NALF1: variants seen among roughly 807,000 people sequenced by gnomAD.
NALF1 encodes the protein NALCN channel auxiliary factor 1.
A neutral mutation model predicts 48.4 loss-of-function variants in NALF1; 3 were observed. The observed-to-expected ratio is 0.06, with a 90% CI of 0.03 to 0.16. The LOEUF (loss-of-function observed/expected upper bound fraction) is 0.16. Among genes scored for constraint, NALF1 ranks in the 10% least tolerant of loss-of-function variants. The pLI is 1.00. For missense variants in NALF1, 526 were observed against 571.5 expected, an observed-to-expected ratio of 0.92 and a Z score of 0.81; for synonymous variants, 262 against 245.7, an observed-to-expected ratio of 1.07 and a Z score of -0.62.
intron 1 of NALF1, among the ~76,000 whole-genome samples, chr13:107,335,326 G>A (rs1882536324): frequency 6.6e-6 from 1 of 152,056 alleles, no homozygotes; most frequent in Middle Eastern, 3.2e-3. Flanking sequence ...CTTCTATTGG[G>A]CACTGTCATT....
At chr13:107,277,869 A>T (rs1881311338) in intron 1 of NALF1, among the ~76,000 whole-genome samples, 1 of 152,238 alleles carries the variant, frequency 6.6e-6, no homozygotes, top group Non-Finnish European at 1.5e-5. Context: ...GATGTGCCAG[A>T]CACTGGGTAA....
intron 1 of NALF1, among the ~76,000 whole-genome samples, chr13:107,635,106 C>T (rs1463907040): frequency 6.6e-6 from 1 of 152,076 alleles, no homozygotes; most frequent in Non-Finnish European, 1.5e-5. Flanking sequence ...AATTGGTGTT[C>T]CCTCTATAAA....
Position 107,736,217 on chromosome 13 carries a change from ACACACACG to A in NALF1, c.915+129457_915+129464del, listed in dbSNP as rs766554664. On this transcript the variant is annotated intron_variant, in intron 1 of 2. Transcript: ENST00000375915. Reference sequence around the variant, plus strand: ...CATACACACACACACACACACACACACACACACGCGCGCGTGTACCTAATAAGCTGTAT... The same window carrying A: ...CATACACACACACACACACACACACACGCGCGTGTACCTAATAAGCTGTAT... Among the ~76,000 whole-genome samples, 131 of 60,916 alleles carry A rather than the reference ACACACACG, an allele frequency of 2.2e-3. 1 individual carries two copies. Among genetic ancestry groups the A allele is most frequent in the African/African-American group, 8.0e-3 (119 of 14,834 alleles). 40.0% of individuals were successfully genotyped at this position (60,916 alleles called of 152,430 possible).
intron 1 of NALF1, among the ~76,000 whole-genome samples, chr13:107,854,733 G>T (rs1019283334): frequency 1.3e-5 from 2 of 152,010 alleles, no homozygotes; most frequent in South Asian, 2.1e-4. Flanking sequence ...AATTAGCCAC[G>T]CACGGTGGTG....
chr13:107,712,461 T>G (rs974800273), intron 1 of NALF1, among the ~76,000 whole-genome samples: 1 of 152,144 alleles, frequency 6.6e-6, no homozygotes. Flanking sequence ...TTTGAGAGAC[T>G]GAATTAAACT....
At chr13:107,434,458 T>C (rs1884432299) in intron 1 of NALF1, among the ~76,000 whole-genome samples, 1 of 152,184 alleles carries the variant, frequency 6.6e-6, no homozygotes, top group Non-Finnish European at 1.5e-5. Context: ...ACCATACGAT[T>C]TGGATGAGGT....
intron 1 of NALF1, among the ~76,000 whole-genome samples, chr13:107,850,115 T>G (rs1010848473): frequency 6.6e-6 from 1 of 152,210 alleles, no homozygotes; most frequent in African/African-American, 2.4e-5. Context: ...CTTAGTTTTC[T>G]TATCTGCAAA....
intron 1 of NALF1, among the ~76,000 whole-genome samples, chr13:107,806,720 T>C (rs556293376): frequency 6.6e-6 from 1 of 152,262 alleles, no homozygotes; most frequent in South Asian, 2.1e-4. Flanking sequence ...ACTGAAATCT[T>C]TGCATTTTAT....
rs143591311 is a variant in NALF1, at chr13:107,350,004, C to T, written c.916-139249G>A. 3.2e-3 allele frequency among the ~76,000 whole-genome samples: 483 copies of T among 152,192 alleles called. 3 individuals are homozygous for T. Among genetic ancestry groups the T allele is most frequent in the Middle Eastern group, 6.8e-3 (2 of 294 alleles). On this transcript the variant is annotated intron_variant, in intron 1 of 2. Transcript: ENST00000375915. The stretch of plus-strand genomic sequence containing the variant: ...GCATTAGAATCTCATAAGGACCCTA[C>T]GACCTAGATCCCTCACATGCGCAGT...
At chr13:107,760,009 C>T (rs1168295833) in intron 1 of NALF1, among the ~76,000 whole-genome samples, 1 of 152,012 alleles carries the variant, frequency 6.6e-6, no homozygotes, top group Non-Finnish European at 1.5e-5. Context: ...TGTAATTCTA[C>T]CAAAATACCA....
chr13:107,690,891 C>T (rs1217717519), intron 1 of NALF1, among the ~76,000 whole-genome samples: 3 of 152,150 alleles, frequency 2.0e-5, no homozygotes, highest in Non-Finnish European at 2.9e-5. Flanking sequence ...TGCATTCTTA[C>T]GGTGATGTGG....
intron 1 of NALF1, among the ~76,000 whole-genome samples, chr13:107,479,246 T>C (rs1885217390): frequency 6.6e-6 from 1 of 152,136 alleles, no homozygotes; most frequent in African/African-American, 2.4e-5. Flanking sequence ...GCATTGGCAG[T>C]GCAAAGCCCT....
At chr13:107,584,913 A>G (rs1450407784) in intron 1 of NALF1, among the ~76,000 whole-genome samples, 2 of 152,140 alleles carry the variant, frequency 1.3e-5, no homozygotes, top group African/African-American at 2.4e-5. Flanking sequence ...CACTGTTACC[A>G]TCACTACTTC....
intron 1 of NALF1, chr13:107,835,288 A>G (rs1879856630): frequency 6.6e-6 from 1 of 152,172 alleles, no homozygotes; most frequent in South Asian, 2.1e-4. Flanking sequence ...AAGCCTTACA[A>G]TGTGTGTACT....
intron 1 of NALF1, among the ~76,000 whole-genome samples, chr13:107,589,311 T>G (rs1878541468): frequency 6.6e-6 from 1 of 152,034 alleles, no homozygotes; most frequent in South Asian, 2.1e-4. Flanking sequence ...GGGTCACGAG[T>G]GAAGCCAAAA....
intron 1 of NALF1, among the ~76,000 whole-genome samples, chr13:107,636,114 C>T (rs570164060): frequency 6.6e-6 from 1 of 152,022 alleles, no homozygotes. Flanking sequence ...TTTGCACCAG[C>T]CTGCCCTCAT....
At chr13:107,248,962 A>G (rs1448581323) in intron 1 of NALF1, among the ~76,000 whole-genome samples, 1 of 116,398 alleles carries the variant, frequency 8.6e-6, no homozygotes, top group Non-Finnish European at 1.8e-5. Flanking sequence ...GTACACACAC[A>G]TATATATATG....
At chr13:107,194,786 C>G (rs111746094) in intron 2 of NALF1, among the ~76,000 whole-genome samples, 1 of 152,174 alleles carries the variant, frequency 6.6e-6, no homozygotes, top group African/African-American at 2.4e-5. Context: ...AGATAACTCA[C>G]AGAATGGGAG....
chr13:107,693,964 G>A (rs189979194), intron 1 of NALF1, among the ~76,000 whole-genome samples: 41 of 152,242 alleles, frequency 2.7e-4, no homozygotes, highest in Admixed American at 8.5e-4. Context: ...CCATTAAATC[G>A]TACATGTAAC....
Sources: allele counts gnomAD v4.1 joint callset (sites outside exome capture counted in the v4.1 genomes callset), GRCh38; gene constraint gnomAD v4.1.1; transcripts MANE v1.5; gene names NCBI Gene and HGNC (gene_info 2026-07-23, HGNC 2026-07-21).